The following ACMSD variants were observed in gnomAD, a reference collection of about 807,000 sequenced individuals.
ACMSD encodes aminocarboxymuconate semialdehyde decarboxylase.
Under a neutral mutation model 45.9 loss-of-function variants are expected in ACMSD, and 37 were observed. That is an observed-to-expected ratio of 0.81 (90% CI 0.62 to 1.06). The LOEUF is 1.06. ACMSD is among the 50% of genes least tolerant of loss of function. The pLI is 0.00. For missense variants in ACMSD, 434 were observed against 420.9 expected (o/e 1.03, Z -0.27); for synonymous variants, 138 against 148.8 (o/e 0.93, Z 0.53).
intron 8 of ACMSD, among the ~76,000 whole-genome samples, chr2:134,886,495 G>A (rs1317062836): frequency 1.3e-5 from 2 of 151,796 alleles, no homozygotes; most frequent in East Asian, 1.9e-4. Context: ...TGATCTGCCC[G>A]CCTCAGCCTC....
At chr2:134,870,889 C>A in intron 6 of ACMSD, 76 bp from the exon 7 acceptor site, 1 of 1,288,588 alleles carries the variant, frequency 7.8e-7, no homozygotes, top group Non-Finnish European at 1.1e-6. Flanking sequence ...ACTGACAATT[C>A]CCCAGCCACT....
chr2:134,843,864 T>C (rs1225975158), intron 1 of ACMSD, among the ~76,000 whole-genome samples: 1 of 152,134 alleles, frequency 6.6e-6, no homozygotes, highest in Non-Finnish European at 1.5e-5. Context: ...TCCCTCCCAA[T>C]ACCGCAGCCC....
At chr2:134,899,136 T>G (rs1192430850) in intron 9 of ACMSD, among the ~76,000 whole-genome samples, 1 of 152,192 alleles carries the variant, frequency 6.6e-6, no homozygotes, top group Admixed American at 6.6e-5. Context: ...AAACTCTTAA[T>G]AAATCTTACA....
intron 8 of ACMSD, among the ~76,000 whole-genome samples, chr2:134,878,738 A>G (rs1688884857): frequency 6.6e-6 from 1 of 152,222 alleles, no homozygotes. Context: ...TACATGTTTT[A>G]TAGTCCAAAG....
chr2:134,867,113 T>G (rs546212367), intron 5 of ACMSD, among the ~76,000 whole-genome samples: 1 of 152,246 alleles, frequency 6.6e-6, no homozygotes, highest in South Asian at 2.1e-4. Context: ...GGTTTCCAAG[T>G]GGGGAAAAGG....
intron 2 of ACMSD, among the ~76,000 whole-genome samples, chr2:134,851,231 A>T (rs6430546): frequency 0.51 from 77,299 of 152,008 alleles, 20,567 homozygotes; most frequent in Middle Eastern, 0.82. Context: ...CTAGGTTGAT[A>T]CCATGTCTTT....
intron 8 of ACMSD, 27 bp downstream of exon 8, chr2:134,872,668 C>T (rs994104115): frequency 6.2e-7 from 1 of 1,613,262 alleles, no homozygotes; most frequent in African/African-American, 1.3e-5. Flanking sequence ...ACTTGGATGG[C>T]TTATGGGGAG....
intron 8 of ACMSD, chr2:134,873,236 C>T (rs1045984723): frequency 6.5e-6 from 1 of 154,064 alleles, no homozygotes; most frequent in African/African-American, 2.4e-5. Flanking sequence ...AATTAAAACA[C>T]CAGCATAGTG....
Position 134,838,739 on chromosome 2 carries a change from G to T in ACMSD, c.57G>T (p.Lys19Asn), listed in dbSNP as rs1231918807. The T allele has an allele frequency of 3.1e-6, 5 of 1,605,174 alleles. No homozygotes were observed. The Admixed American group carries it at 8.4e-5, about 27-fold the overall frequency. ...CAAAAGAATGGCCAGATCTAAAAAA[G>T]GTAATGGTAATTAATTTGCTGAATT... ...ILPKEWPDLK[K>N]RFGYGGWVQL... Residue 19 changes from lysine to asparagine, a missense_variant and splice_region_variant, in exon 1 of 10, where the codon AAG (lysine) becomes AAT (asparagine). Lys to Asn is a moderately conservative substitution (Grantham distance 94). Transcript: ENST00000356140.
intron 7 of ACMSD, among the ~76,000 whole-genome samples, chr2:134,871,682 G>C (rs12477502): frequency 0.48 from 66,786 of 138,450 alleles, 16,589 homozygotes; most frequent in Middle Eastern, 0.81. Flanking sequence ...TCAACAGACA[G>C]ACACACACAC....
intron 4 of ACMSD, among the ~76,000 whole-genome samples, chr2:134,862,714 C>G (rs911752424): frequency 6.6e-6 from 1 of 152,162 alleles, no homozygotes; most frequent in African/African-American, 2.4e-5. Flanking sequence ...TTAAAAGTGC[C>G]CTGAGACCTC....
chr2:134,840,895 T>A (rs1686777158), intron 1 of ACMSD, among the ~76,000 whole-genome samples: 1 of 152,216 alleles, frequency 6.6e-6, no homozygotes, highest in Non-Finnish European at 1.5e-5. Context: ...CCAATTTTAG[T>A]CTTTTATCCC....
chr2:134,881,378 A>G (rs1173523568), intron 8 of ACMSD, among the ~76,000 whole-genome samples: 1 of 152,238 alleles, frequency 6.6e-6, no homozygotes, highest in Admixed American at 6.5e-5. Context: ...GTAGTAAAAG[A>G]AACGGTTCAC....
intron 6 of ACMSD, chr2:134,869,101 G>T (rs1289044552): frequency 6.6e-6 from 1 of 152,100 alleles, no homozygotes; most frequent in African/African-American, 2.4e-5. Context: ...CCAAATTCTT[G>T]GGCAATAATT....
At chr2:134,852,566 T>A (rs1442696043) in intron 2 of ACMSD, among the ~76,000 whole-genome samples, 2 of 152,140 alleles carry the variant, frequency 1.3e-5, no homozygotes, top group African/African-American at 4.8e-5. Flanking sequence ...GCTTGAAGGA[T>A]AGAAGCCGCC....
At chr2:134,883,879 A>T (rs992600315) in intron 8 of ACMSD, among the ~76,000 whole-genome samples, 5 of 152,210 alleles carry the variant, frequency 3.3e-5, no homozygotes, top group Admixed American at 6.5e-5. Flanking sequence ...TGTGACCTTC[A>T]TCCTACAGGA....
At chr2:134,888,163 T>TA (rs1301280802) in intron 8 of ACMSD, among the ~76,000 whole-genome samples, 1 of 152,210 alleles carries the variant, frequency 6.6e-6, no homozygotes, top group East Asian at 1.9e-4. Flanking sequence ...AAAGAACTAC[T>TA]AAAACTCATG....
rs1211950778 is a variant in ACMSD at position 134,845,255 on chromosome 2, T to G, written c.80T>G (p.Val27Gly). The change falls in exon 2 of 10, where the codon GTG becomes GGG. Residue 27 changes from valine (V) to glycine (G), a missense_variant. By Grantham distance (109) the Val-to-Gly change is moderately radical (BLOSUM62 -3). Coordinates refer to ENST00000356140, the MANE Select transcript of ACMSD (RefSeq NM_138326.3). Reference sequence around the variant, plus strand: ...CAGAGGTTTGGCTACGGAGGCTGGGTGCAGCTCCAACACCACAGCAAGGTG... The same window carrying G: ...CAGAGGTTTGGCTACGGAGGCTGGGGGCAGCTCCAACACCACAGCAAGGTG... ...LKKRFGYGGW[V>G]QLQHHSKGEA... 1.9e-6 allele frequency: 3 copies of G among 1,614,036 alleles called. No homozygotes were observed. The highest frequency in any genetic ancestry group is 1.1e-5 in the South Asian group (1 of 91,074).
intron 7 of ACMSD, 68 bp downstream of exon 7, chr2:134,871,128 A>C (rs1043133237): frequency 9.5e-5 from 127 of 1,340,694 alleles, no homozygotes; most frequent in Non-Finnish European, 1.3e-5. Context: ...GGTGACTGTA[A>C]GAAAACAGAA....
Sources: gnomAD v4.1 joint callset for allele counts (sites outside exome capture counted in the v4.1 genomes callset) on GRCh38, gnomAD v4.1.1 for gene constraint, MANE v1.5 for transcripts, NCBI Gene and HGNC (gene_info 2026-07-23, HGNC 2026-07-21) for gene names.